Variants in PLCL1 observed in about 807,000 individuals in gnomAD.
PLCL1 encodes phospholipase C like 1 (inactive).
A neutral mutation model predicts 84.4 loss-of-function variants in PLCL1; 41 were observed. That is an observed-to-expected ratio of 0.49 (90% CI 0.38 to 0.63). PLCL1 has a LOEUF of 0.63. Ranked by LOEUF, PLCL1 falls within the 30% of genes least tolerant of loss-of-function variation. PLCL1 has a pLI of 0.00. For missense variants in PLCL1, 1,206 were observed against 1,367.8 expected, an observed-to-expected ratio of 0.88 and a Z score of 1.87; for synonymous variants, 490 against 488.3, an observed-to-expected ratio of 1.00 and a Z score of -0.05.
Position 198,148,700 on chromosome 2 carries a change from A to G in PLCL1, c.*1738A>G, listed in dbSNP as rs1694582729. The G allele has an allele frequency of 6.6e-6, 1 of 152,296 alleles. No individual in the cohort carries two copies. Among genetic ancestry groups the G allele is most frequent in the African/African-American group, 2.4e-5 (1 of 41,442 alleles). 9.4% of individuals were successfully genotyped at this position (152,296 alleles called of 1,614,324 possible). On this transcript the variant is annotated 3_prime_UTR_variant, in exon 6 of 6. Transcript: ENST00000428675. ...CCCTTTGTGGTGAAAAAGAGGTTCT[A>G]TAGACAGAAACAAAACCCACCTTAC... is the stretch of plus-strand genomic sequence containing the variant.
chr2:198,085,794 G>A lies in PLCL1; in HGVS notation c.2277G>A (p.Ala759=), dbSNP rs1253640089. The A allele has an allele frequency of 3.1e-6, 5 of 1,613,896 alleles. No individual in the cohort carries two copies. Among genetic ancestry groups the A allele is most frequent in the Non-Finnish European group, 4.2e-6 (5 of 1,179,956 alleles). The change falls in exon 2 of 6, where the codon GCG becomes GCA. Residue 759 remains alanine (A), a synonymous_variant. Transcript: ENST00000428675. This position sits in a 1 kb window ranked among gnomAD's most constrained non-coding sequence, Gnocchi z 5.3. The part of the protein sequence containing the change: ...YVCIEIHGIP[A]DCSEQRTKTV... ...GTATAGAGATACACGGAATTCCAGC[G>A]GATTGTTCGGAACAAAGAACTAAAA...
intron 1 of PLCL1, among the ~76,000 whole-genome samples, chr2:198,047,341 G>A (rs1023108588): frequency 1.6e-4 from 25 of 152,194 alleles, no homozygotes; most frequent in African/African-American, 5.8e-4. Context: ...ACGCCACCAG[G>A]CCCAGCTAGC....
intron 1 of PLCL1, among the ~76,000 whole-genome samples, chr2:197,996,110 G>A (rs887015151): frequency 2.6e-5 from 4 of 152,060 alleles, no homozygotes; most frequent in Non-Finnish European, 2.9e-5. Flanking sequence ...TCAAGGTGAC[G>A]GGCAAGAGGG....
intron 1 of PLCL1, among the ~76,000 whole-genome samples, chr2:197,898,513 A>G (rs1239724385): frequency 6.6e-6 from 1 of 151,982 alleles, no homozygotes; most frequent in African/African-American, 2.4e-5. Flanking sequence ...TTGAAACATC[A>G]GATTACTCAG....
chr2:198,149,807 T>A lies in PLCL1; in HGVS notation c.*2845T>A, dbSNP rs868397161. 6 of 152,302 alleles carry A rather than the reference T, an allele frequency of 3.9e-5. 1 individual carries two copies. Among genetic ancestry groups the A allele is most frequent in the South Asian group, 4.1e-4 (2 of 4,830 alleles). 9.4% of individuals were successfully genotyped at this position (152,302 alleles called of 1,614,324 possible). A position where few individuals can be genotyped will look rare whatever the true frequency, so the allele number is the denominator to read the frequency against. On this transcript the variant is annotated 3_prime_UTR_variant, in exon 6 of 6. Transcript: ENST00000428675. ...ACTGTTTGTAGCAGGGTGTTTAAAA[T>A]TTTAACAATATGTTATGGATATCTT...
At chr2:197,948,640 A>G (rs1451564595) in intron 1 of PLCL1, among the ~76,000 whole-genome samples, 1 of 152,156 alleles carries the variant, frequency 6.6e-6, no homozygotes, top group Non-Finnish European at 1.5e-5. Context: ...GTAGGCACTC[A>G]GTGTATAGTT....
chr2:198,127,504 C>A (rs773430587), intron 5 of PLCL1, among the ~76,000 whole-genome samples: 12 of 152,082 alleles, frequency 7.9e-5, no homozygotes, highest in Non-Finnish European at 1.8e-4. Flanking sequence ...ATTGTGAAAG[C>A]AAATAGCTAG....
intron 5 of PLCL1, among the ~76,000 whole-genome samples, chr2:198,139,837 A>G (rs995537530): frequency 6.6e-6 from 1 of 152,184 alleles, no homozygotes; most frequent in Non-Finnish European, 1.5e-5. Flanking sequence ...TTTCCAAAGC[A>G]CAGGGAAGAG....
At chr2:197,840,555 G>A (rs1349139359) in intron 1 of PLCL1, among the ~76,000 whole-genome samples, 1 of 152,014 alleles carries the variant, frequency 6.6e-6, no homozygotes, top group Admixed American at 6.6e-5. Context: ...GGTGGGTAAG[G>A]CATTTTGGCA....
intron 1 of PLCL1, among the ~76,000 whole-genome samples, chr2:197,972,149 G>T (rs768736684): frequency 6.6e-6 from 1 of 152,204 alleles, no homozygotes; most frequent in Non-Finnish European, 1.5e-5. Context: ...AAATGCTTTT[G>T]TAAGATTATA....
At chr2:198,049,117 C>T (rs1691870944) in intron 1 of PLCL1, among the ~76,000 whole-genome samples, 1 of 152,162 alleles carries the variant, frequency 6.6e-6, no homozygotes, top group South Asian at 2.1e-4. Flanking sequence ...TGCTCAGTGA[C>T]ATCTCATAGA....
chr2:197,938,346 G>A (rs1689088861), intron 1 of PLCL1, among the ~76,000 whole-genome samples: 1 of 152,118 alleles, frequency 6.6e-6, no homozygotes, highest in Non-Finnish European at 1.5e-5. Flanking sequence ...CATTGCTCTT[G>A]TATCTTCCAT....
intron 1 of PLCL1, among the ~76,000 whole-genome samples, chr2:198,039,526 G>A (rs1392938377): frequency 6.6e-6 from 1 of 151,926 alleles, no homozygotes; most frequent in Non-Finnish European, 1.5e-5. Flanking sequence ...TTTTTATTTT[G>A]TAAGTCCCAT....
At chr2:198,070,301 T>C (rs1181520633) in intron 1 of PLCL1, among the ~76,000 whole-genome samples, 1 of 152,106 alleles carries the variant, frequency 6.6e-6, no homozygotes, top group African/African-American at 2.4e-5. Flanking sequence ...TTTAAACATC[T>C]AGTAAGGAAT....
intron 1 of PLCL1, among the ~76,000 whole-genome samples, chr2:197,865,056 AGAGT>A (rs1413755084): frequency 1.3e-5 from 2 of 152,220 alleles, no homozygotes. Context: ...GTGCCCAATT[AGAGT>A]GTGAATCAAG....
At chr2:197,905,783 CTCAT>C (rs1688370102) in intron 1 of PLCL1, among the ~76,000 whole-genome samples, 1 of 152,172 alleles carries the variant, frequency 6.6e-6, no homozygotes, top group South Asian at 2.1e-4. Flanking sequence ...GAGATGGTAT[CTCAT>C]TGTGGTTTTG....
intron 1 of PLCL1, among the ~76,000 whole-genome samples, chr2:197,950,162 CT>C (rs1689360409): frequency 2.6e-5 from 4 of 152,184 alleles, no homozygotes; most frequent in Non-Finnish European, 5.9e-5. Flanking sequence ...TCATCTTCAG[CT>C]TTGCTGGATG....
intron 5 of PLCL1, among the ~76,000 whole-genome samples, chr2:198,114,107 C>T (rs1028531756): frequency 1.4e-4 from 22 of 151,804 alleles, no homozygotes; most frequent in African/African-American, 4.8e-4. Context: ...AAAAAAGCCA[C>T]AAGTTTAAAA....
chr2:198,011,600 G>GTA (rs990601979), intron 1 of PLCL1, among the ~76,000 whole-genome samples: 1 of 151,892 alleles, frequency 6.6e-6, no homozygotes, highest in Non-Finnish European at 1.5e-5. Flanking sequence ...GTTGGATGTT[G>GTA]TATATATATA....
Sources: allele counts gnomAD v4.1 joint callset (sites outside exome capture counted in the v4.1 genomes callset), GRCh38; gene constraint gnomAD v4.1.1; non-coding constraint Gnocchi (gnomAD v3.1); transcripts MANE v1.5; gene names NCBI Gene and HGNC (gene_info 2026-07-23, HGNC 2026-07-21).